The following SOX5 variants were observed in gnomAD, a reference collection of about 807,000 sequenced individuals.
SOX5 encodes the protein SRY-box transcription factor 5, also known as transcription factor SOX-5.
In SOX5, 9 loss-of-function variants were observed where a neutral mutation model predicts 92.0. The ratio of observed to expected loss-of-function variants is 0.10; its 90% CI spans 0.06 to 0.17. The LOEUF (loss-of-function observed/expected upper bound fraction) is 0.17. SOX5 is among the 10% of genes least tolerant of loss of function. SOX5 has a pLI of 1.00. For synonymous variants in SOX5, 344 were observed against 336.3 expected (o/e 1.02, Z -0.25); for missense variants, 642 against 944.5 (o/e 0.68, Z 4.20).
At chr12:23,562,240 G>A (rs533686641) in intron 11 of SOX5, among the ~76,000 whole-genome samples, 1 of 152,204 alleles carries the variant, frequency 6.6e-6, no homozygotes, top group African/African-American at 2.4e-5. Context: ...AATTGAAATC[G>A]TTTCTCCATC....
At chr12:23,705,778 G>T (rs1194214050) in intron 6 of SOX5, among the ~76,000 whole-genome samples, 1 of 151,984 alleles carries the variant, frequency 6.6e-6, no homozygotes, top group Non-Finnish European at 1.5e-5. Context: ...TTCTACAGGA[G>T]CTCGTTTAAA....
At chr12:24,074,698 T>C (rs1942300785) in intron 4 of SOX5, among the ~76,000 whole-genome samples, 1 of 137,412 alleles carries the variant, frequency 7.3e-6, no homozygotes, top group Non-Finnish European at 1.6e-5. Flanking sequence ...ATGAACAAAA[T>C]TTGTATGTGT....
chr12:24,535,821 C>T (rs1951591185), intron 1 of SOX5, among the ~76,000 whole-genome samples: 1 of 152,122 alleles, frequency 6.6e-6, no homozygotes, highest in Non-Finnish European at 1.5e-5. Flanking sequence ...AGCTATTCTG[C>T]CTCTGAAAAC....
chr12:24,048,793 A>G (rs2137089883), intron 4 of SOX5, among the ~76,000 whole-genome samples: 1 of 152,350 alleles, frequency 6.6e-6, no homozygotes, highest in Middle Eastern at 3.4e-3. Context: ...ACTTATTTGA[A>G]ATATCCCAAA....
intron 4 of SOX5, among the ~76,000 whole-genome samples, chr12:24,078,390 T>C (rs1033476588): frequency 6.6e-6 from 1 of 152,026 alleles, no homozygotes; most frequent in Non-Finnish European, 1.5e-5. Context: ...CCACAGTTAT[T>C]GAACCTGTGA....
chr12:24,348,432 G>C (rs537989166), intron 2 of SOX5, among the ~76,000 whole-genome samples: 1 of 151,338 alleles, frequency 6.6e-6, no homozygotes, highest in South Asian at 2.1e-4. Context: ...GCCCAGGCTG[G>C]AGAGCAGTGG....
intron 1 of SOX5, among the ~76,000 whole-genome samples, chr12:23,924,271 G>C (rs1774262440): frequency 6.6e-6 from 1 of 152,162 alleles, no homozygotes; most frequent in Admixed American, 6.5e-5. Flanking sequence ...TTTCACACTT[G>C]ATAGGCTACG....
chr12:24,429,157 A>C (rs144034861), intron 1 of SOX5, among the ~76,000 whole-genome samples: 4,631 of 152,090 alleles, frequency 0.03, 105 homozygotes, highest in Admixed American at 0.044. Context: ...CTCTACTAAA[A>C]ATACAAAAAA....
intron 4 of SOX5, among the ~76,000 whole-genome samples, chr12:24,193,315 G>C (rs892720248): frequency 6.6e-6 from 1 of 152,170 alleles, no homozygotes; most frequent in South Asian, 2.1e-4. Context: ...CAAATGGCTA[G>C]AACCTCATGT....
chr12:23,641,708 T>C lies in SOX5; in HGVS notation c.932-811A>G, dbSNP rs541764283. 3.3e-5 allele frequency among the ~76,000 whole-genome samples: 5 copies of C among 152,300 alleles called. No homozygotes were observed. In the South Asian group the frequency reaches 1.0e-3, roughly 32 times the overall value. ...TTAGTAAAGAGGTACAATAGACCTGTTGCATAGGGCCCAATAAATTGCTAA... is the reference window on the plus strand; with the variant it reads ...TTAGTAAAGAGGTACAATAGACCTGCTGCATAGGGCCCAATAAATTGCTAA... On this transcript the variant is annotated intron_variant, in intron 7 of 14. Coordinates refer to ENST00000451604, the MANE Select transcript of SOX5 (RefSeq NM_006940.6).
chr12:23,840,032 A>G (rs928860135), intron 3 of SOX5, among the ~76,000 whole-genome samples: 1 of 151,786 alleles, frequency 6.6e-6, no homozygotes, highest in East Asian at 1.9e-4. Context: ...TTTAAAAGGA[A>G]TAAGTACAAC....
chr12:24,180,211 G>A (rs973243537), intron 4 of SOX5, among the ~76,000 whole-genome samples: 8 of 152,050 alleles, frequency 5.3e-5, no homozygotes, highest in Middle Eastern at 3.4e-3. Context: ...GGATCCTCTC[G>A]CCTTGGCTTC....
At chr12:24,143,889 A>G (rs1950826446) in intron 4 of SOX5, among the ~76,000 whole-genome samples, 1 of 151,010 alleles carries the variant, frequency 6.6e-6, no homozygotes, top group Admixed American at 6.6e-5. Flanking sequence ...GGAGGAAAGG[A>G]GGAGGAGGAG....
At chr12:23,774,167 C>A (rs189686246) in intron 3 of SOX5, among the ~76,000 whole-genome samples, 5 of 152,268 alleles carry the variant, frequency 3.3e-5, no homozygotes, top group Non-Finnish European at 7.3e-5. Context: ...ATCATGTTAC[C>A]TTTTACTGCC....
intron 1 of SOX5, among the ~76,000 whole-genome samples, chr12:23,927,670 T>G (rs897645237): frequency 1.3e-5 from 2 of 152,078 alleles, no homozygotes; most frequent in Non-Finnish European, 2.9e-5. Context: ...AACATCATTT[T>G]TTTTTTCTAA....
At chr12:24,433,743 G>C (rs1214792751) in intron 1 of SOX5, among the ~76,000 whole-genome samples, 1 of 152,140 alleles carries the variant, frequency 6.6e-6, no homozygotes, top group Non-Finnish European at 1.5e-5. Context: ...AAAATGGATA[G>C]AGAAAGATCT....
intron 4 of SOX5, among the ~76,000 whole-genome samples, chr12:24,204,663 C>T (rs1169266016): frequency 1.3e-5 from 2 of 152,122 alleles, no homozygotes; most frequent in Non-Finnish European, 2.9e-5. Context: ...ATTGTGTCTT[C>T]AGGATTAATT....
At chr12:23,841,299 CAA>C (rs1209023813) in intron 3 of SOX5, among the ~76,000 whole-genome samples, 1 of 152,016 alleles carries the variant, frequency 6.6e-6, no homozygotes, top group African/African-American at 2.4e-5. Context: ...AATAAACTGA[CAA>C]TATCAAATTC....
intron 1 of SOX5, among the ~76,000 whole-genome samples, chr12:24,507,056 C>T (rs1229843248): frequency 1.3e-5 from 2 of 151,962 alleles, no homozygotes; most frequent in African/African-American, 2.4e-5. Context: ...TCCCAAAGTG[C>T]TGGGATTACA....
Sources: allele counts gnomAD v4.1 joint callset (sites outside exome capture counted in the v4.1 genomes callset), GRCh38; gene constraint gnomAD v4.1.1; transcripts MANE v1.5; gene names NCBI Gene and HGNC (gene_info 2026-07-23, HGNC 2026-07-21).